The following CALCR variants were observed in gnomAD, a reference collection of about 807,000 sequenced individuals.
CALCR encodes calcitonin receptor.
In CALCR, 47 loss-of-function variants were observed where a neutral mutation model predicts 59.5. That is an observed-to-expected ratio of 0.79 (90% CI 0.63 to 1.01). The LOEUF (loss-of-function observed/expected upper bound fraction) is 1.01. Ranked by LOEUF, CALCR falls within the 50% of genes least tolerant of loss-of-function variation. The probability of loss-of-function intolerance (pLI) is 0.00; values close to 1 mark genes in which losing one functional copy is unlikely to be tolerated. For synonymous variants in CALCR, 213 were observed against 211.3 expected, an observed-to-expected ratio of 1.01 and a Z score of -0.07; for missense variants, 566 against 597.1, an observed-to-expected ratio of 0.95 and a Z score of 0.54.
intron 8 of CALCR, among the ~76,000 whole-genome samples, chr7:93,449,304 T>C (rs1800063339): frequency 1.3e-5 from 2 of 152,034 alleles, no homozygotes; most frequent in African/African-American, 2.4e-5. Context: ...AATAAGTCAA[T>C]TTCTAAATAT....
At chr7:93,561,205 T>C (rs1258680357) in intron 2 of CALCR, among the ~76,000 whole-genome samples, 1 of 152,204 alleles carries the variant, frequency 6.6e-6, no homozygotes, top group Non-Finnish European at 1.5e-5. Flanking sequence ...CTTAGTAGGT[T>C]GCATGCACAT....
At chr7:93,462,292 G>C (rs574131859) in intron 7 of CALCR, among the ~76,000 whole-genome samples, 1 of 152,182 alleles carries the variant, frequency 6.6e-6, no homozygotes, top group Non-Finnish European at 1.5e-5. Context: ...GGCAGGCTCT[G>C]ATAAAGACAG....
intron 3 of CALCR, among the ~76,000 whole-genome samples, chr7:93,480,234 A>G (rs778121113): frequency 6.6e-6 from 1 of 151,886 alleles, no homozygotes; most frequent in Non-Finnish European, 1.5e-5. Context: ...TTCAAAGGTA[A>G]TGTGGGTGTT....
chr7:93,449,775 C>T lies in CALCR; in HGVS notation c.649-6018G>A, dbSNP rs530409587. Among the ~76,000 whole-genome samples the T allele has an allele frequency of 5.3e-5, 8 of 152,170 alleles. No individual in the cohort carries two copies. The South Asian group carries it at 8.3e-4, about 16-fold the overall frequency. On this transcript the variant is annotated intron_variant, in intron 8 of 13. Coordinates refer to ENST00000426151, the MANE Select transcript of CALCR (RefSeq NM_001742.4). Reference sequence around the variant, plus strand: ...GTCTACAAAGATCAGTACATATCTGCAGCGGTCAGGCTGCTGACATCAATA... The same window carrying T: ...GTCTACAAAGATCAGTACATATCTGTAGCGGTCAGGCTGCTGACATCAATA...
intron 2 of CALCR, among the ~76,000 whole-genome samples, chr7:93,521,448 A>G (rs1801762135): frequency 6.6e-6 from 1 of 152,160 alleles, no homozygotes; most frequent in African/African-American, 2.4e-5. Flanking sequence ...GTGTACATTC[A>G]TATTTCCCAA....
At chr7:93,486,686 C>T (rs893647253) in intron 3 of CALCR, among the ~76,000 whole-genome samples, 2 of 151,442 alleles carry the variant, frequency 1.3e-5, no homozygotes, top group Non-Finnish European at 3.0e-5. Flanking sequence ...AAAATTAATG[C>T]TAAAGTTTTG....
chr7:93,511,081 TTCTCTCTCTC>T (rs1210781088), intron 2 of CALCR, among the ~76,000 whole-genome samples: 1 of 143,294 alleles, frequency 7.0e-6, no homozygotes, highest in Admixed American at 6.9e-5. Flanking sequence ...CTCTCTCTCT[TTCTCTCTCTC>T]TCTCTACATA....
chr7:93,553,609 G>A (rs1789521875), intron 2 of CALCR, among the ~76,000 whole-genome samples: 1 of 152,056 alleles, frequency 6.6e-6, no homozygotes, highest in Admixed American at 6.6e-5. Flanking sequence ...ACTTGGGCAA[G>A]TTACTGACGG....
intron 6 of CALCR, among the ~76,000 whole-genome samples, chr7:93,469,019 T>C (rs879405290): frequency 3.3e-5 from 5 of 151,894 alleles, no homozygotes; most frequent in Non-Finnish European, 5.9e-5. Context: ...AAGAATAAAG[T>C]TCCTTGAGAT....
chr7:93,461,839 C>T (rs956669077), intron 7 of CALCR, among the ~76,000 whole-genome samples: 10 of 152,084 alleles, frequency 6.6e-5, no homozygotes, highest in East Asian at 1.9e-4. Context: ...AACAAAATTG[C>T]GGTGATTATT....
intron 2 of CALCR, among the ~76,000 whole-genome samples, chr7:93,529,218 C>T (rs563890321): frequency 4.7e-4 from 71 of 151,102 alleles, no homozygotes; most frequent in Admixed American, 1.4e-3. Flanking sequence ...ACTATCCTTT[C>T]GGTGCTGTTC....
intron 6 of CALCR, 70 bp downstream of exon 6, chr7:93,472,304 AG>A (rs573019972): frequency 4.2e-4 from 358 of 846,298 alleles, no homozygotes; most frequent in Non-Finnish European, 5.9e-4. Flanking sequence ...GATATTTTAC[AG>A]TTATGCGTCC....
chr7:93,460,554 T>TAAA (rs71537257), intron 8 of CALCR, among the ~76,000 whole-genome samples: 20 of 79,292 alleles, frequency 2.5e-4, no homozygotes, highest in African/African-American at 1.6e-3. Context: ...AGACTCTATC[T>TAAA]AAAAAAAAAA....
intron 2 of CALCR, chr7:93,495,771 T>C (rs1801187334): frequency 1.2e-6 from 1 of 800,352 alleles, no homozygotes; most frequent in Non-Finnish European, 2.0e-6. Flanking sequence ...CTAAACCAGA[T>C]CAATGTGGAG....
chr7:93,464,040 A>G (rs1800392702), intron 7 of CALCR, among the ~76,000 whole-genome samples: 1 of 152,196 alleles, frequency 6.6e-6, no homozygotes, highest in East Asian at 1.9e-4. Context: ...TTACTTGAGT[A>G]TGAATCTCAA....
intron 13 of CALCR, among the ~76,000 whole-genome samples, chr7:93,433,342 T>C (rs549805516): frequency 6.6e-6 from 1 of 152,316 alleles, no homozygotes; most frequent in Non-Finnish European, 1.5e-5. Context: ...TGATTTAAAA[T>C]GTTCAAAAAT....
At chr7:93,516,411 T>C (rs1425461905) in intron 2 of CALCR, among the ~76,000 whole-genome samples, 1 of 151,932 alleles carries the variant, frequency 6.6e-6, no homozygotes, top group Admixed American at 6.6e-5. Context: ...AAGATTTTGC[T>C]GCAAGGATAC....
chr7:93,488,158 A>T (rs986898664), intron 2 of CALCR, among the ~76,000 whole-genome samples: 5 of 151,720 alleles, frequency 3.3e-5, no homozygotes, highest in Non-Finnish European at 5.9e-5. Flanking sequence ...CAGCCAAACT[A>T]AGCTTCATAA....
At chr7:93,518,927 T>C (rs933592919) in intron 2 of CALCR, among the ~76,000 whole-genome samples, 17 of 152,082 alleles carry the variant, frequency 1.1e-4, no homozygotes, top group Admixed American at 6.6e-4. Flanking sequence ...TGGTTTCCTC[T>C]GAGGAGATGA....
Sources: allele counts gnomAD v4.1 joint callset (sites outside exome capture counted in the v4.1 genomes callset), GRCh38; gene constraint gnomAD v4.1.1; transcripts MANE v1.5; gene names NCBI Gene and HGNC (gene_info 2026-07-23, HGNC 2026-07-21).